IMMP2L: variants seen among roughly 807,000 people sequenced by gnomAD.
IMMP2L encodes the protein inner mitochondrial membrane peptidase subunit 2.
A neutral mutation model predicts 19.3 loss-of-function variants in IMMP2L; 18 were observed. The ratio of observed to expected loss-of-function variants is 0.93; its 90% confidence interval spans 0.64 to 1.38. The LOEUF (loss-of-function observed/expected upper bound fraction) is 1.38. Ranked by LOEUF, IMMP2L falls within the 40% of genes most tolerant of loss-of-function variation. The pLI, the probability that IMMP2L is intolerant of heterozygous loss-of-function variation, is 0.00. For synonymous variants in IMMP2L, 76 were observed against 73.0 expected (o/e 1.04, Z -0.21); for missense variants, 233 against 218.2 (o/e 1.07, Z -0.43).
intron 4 of IMMP2L, among the ~76,000 whole-genome samples, chr7:110,940,103 G>A (rs1057110368): frequency 5.3e-5 from 8 of 152,044 alleles, no homozygotes; most frequent in African/African-American, 1.4e-4. Context: ...AGGATCATGA[G>A]GTCAGGAGTT....
intron 3 of IMMP2L, among the ~76,000 whole-genome samples, chr7:111,254,547 A>T (rs1816493079): frequency 6.6e-6 from 1 of 152,164 alleles, no homozygotes; most frequent in Non-Finnish European, 1.5e-5. Flanking sequence ...AGACTGTCAG[A>T]ATATCTGATA....
At chr7:111,196,660 A>G (rs1809534578) in intron 3 of IMMP2L, among the ~76,000 whole-genome samples, 1 of 152,210 alleles carries the variant, frequency 6.6e-6, no homozygotes, top group Non-Finnish European at 1.5e-5. Context: ...TAGGAAATGA[A>G]AATATGAGAA....
At chr7:111,304,835 C>T (rs1016603849) in intron 3 of IMMP2L, among the ~76,000 whole-genome samples, 5 of 151,724 alleles carry the variant, frequency 3.3e-5, no homozygotes, top group Non-Finnish European at 2.9e-5. Flanking sequence ...AAAGTTTAAA[C>T]CTTACCTTTC....
At chr7:111,147,595 C>G (rs1476555652) in intron 3 of IMMP2L, among the ~76,000 whole-genome samples, 1 of 152,218 alleles carries the variant, frequency 6.6e-6, no homozygotes, top group South Asian at 2.1e-4. Flanking sequence ...CCTCTCATTA[C>G]TTTTCCACCA....
intron 3 of IMMP2L, among the ~76,000 whole-genome samples, chr7:111,014,340 G>T (rs1452022000): frequency 6.6e-6 from 1 of 151,934 alleles, no homozygotes; most frequent in African/African-American, 2.4e-5. Context: ...TGGCAGGAGA[G>T]TGAGACTCTG....
At chr7:110,854,075 A>G (rs983535605) in intron 5 of IMMP2L, among the ~76,000 whole-genome samples, 2 of 151,926 alleles carry the variant, frequency 1.3e-5, no homozygotes, top group African/African-American at 4.8e-5. Context: ...TCACCAATAA[A>G]TAGTTCCAGA....
chr7:111,330,400 AC>A (rs1198893815), intron 3 of IMMP2L, among the ~76,000 whole-genome samples: 3 of 151,744 alleles, frequency 2.0e-5, no homozygotes, highest in African/African-American at 7.2e-5. Context: ...TCTGAAGAAG[AC>A]TTTTTAAAAT....
intron 3 of IMMP2L, among the ~76,000 whole-genome samples, chr7:111,090,618 A>AG (rs1011772227): frequency 7.2e-5 from 11 of 152,024 alleles, no homozygotes; most frequent in Non-Finnish European, 1.6e-4. Flanking sequence ...CTAAAAAAAA[A>AG]AAAAAAAAAG....
At chr7:111,102,945 A>G (rs1798137126) in intron 3 of IMMP2L, among the ~76,000 whole-genome samples, 1 of 151,504 alleles carries the variant, frequency 6.6e-6, no homozygotes, top group African/African-American at 2.4e-5. Flanking sequence ...AAGACCATAT[A>G]GTATAGGACA....
In IMMP2L at chr7:111,421,395, G is replaced by C. The variant is rs1018863130; in HGVS notation, c.239+65843C>G. ...CGCCATTCTCCTGCCTCAGCCTCCCGAGTAGCTGGGACTACAGGCGCCCGC... is the reference window on the plus strand; with the variant it reads ...CGCCATTCTCCTGCCTCAGCCTCCCCAGTAGCTGGGACTACAGGCGCCCGC... On this transcript the variant is annotated intron_variant, in intron 3 of 5. Coordinates refer to ENST00000405709, the MANE Select transcript of IMMP2L (RefSeq NM_032549.4). Among the ~76,000 whole-genome samples, 3 of 147,370 alleles carry C rather than the reference G, an allele frequency of 2.0e-5. 1 individual carries two copies. Among genetic ancestry groups the C allele is most frequent in the African/African-American group, 5.1e-5 (2 of 39,444 alleles).
At chr7:110,947,023 T>C (rs914953036) in intron 4 of IMMP2L, among the ~76,000 whole-genome samples, 13 of 152,168 alleles carry the variant, frequency 8.5e-5, no homozygotes, top group African/African-American at 3.1e-4. Flanking sequence ...CCTGGCCTAA[T>C]ACCATTTTTT....
chr7:110,911,585 G>A (rs1293862197), intron 4 of IMMP2L, among the ~76,000 whole-genome samples: 1 of 152,108 alleles, frequency 6.6e-6, no homozygotes, highest in Non-Finnish European at 1.5e-5. Flanking sequence ...AATCCAAGTT[G>A]GCTAAAAAGA....
At chr7:111,093,655 C>T (rs1378086037) in intron 3 of IMMP2L, among the ~76,000 whole-genome samples, 1 of 152,142 alleles carries the variant, frequency 6.6e-6, no homozygotes, top group African/African-American at 2.4e-5. Flanking sequence ...TTACAGAGAT[C>T]AGTAATGTGC....
chr7:111,392,859 G>A (rs1006740423), intron 3 of IMMP2L: 1 of 456,546 alleles, frequency 2.2e-6, no homozygotes. Context: ...GGTAAATCTA[G>A]TGAGGTCTGG....
chr7:110,743,350 T>C (rs1170392785), intron 5 of IMMP2L, among the ~76,000 whole-genome samples: 1 of 152,200 alleles, frequency 6.6e-6, no homozygotes, highest in African/African-American at 2.4e-5. Flanking sequence ...TTCATTTGAA[T>C]CTGAATTTGC....
intron 3 of IMMP2L, among the ~76,000 whole-genome samples, chr7:111,041,072 G>C (rs1303740337): frequency 6.6e-6 from 1 of 151,974 alleles, no homozygotes; most frequent in Admixed American, 6.6e-5. Context: ...TAGTATTTTG[G>C]TATGATAATC....
At chr7:110,751,597 A>T (rs955215500) in intron 5 of IMMP2L, among the ~76,000 whole-genome samples, 3 of 152,094 alleles carry the variant, frequency 2.0e-5, no homozygotes, top group Admixed American at 6.6e-5. Context: ...TAGCTGTAAC[A>T]TAATAAATTG....
intron 3 of IMMP2L, among the ~76,000 whole-genome samples, chr7:111,161,301 C>T (rs552257535): frequency 6.6e-6 from 1 of 151,822 alleles, no homozygotes; most frequent in Admixed American, 6.6e-5. Flanking sequence ...AAATAATATG[C>T]CCTCTTACTC....
chr7:111,323,016 T>G (rs1271672481), intron 3 of IMMP2L, among the ~76,000 whole-genome samples: 2 of 151,688 alleles, frequency 1.3e-5, no homozygotes, highest in African/African-American at 2.4e-5. Flanking sequence ...AACTCTTCAC[T>G]GTAATAAACT....
Sources: gnomAD v4.1 joint callset for allele counts (sites outside exome capture counted in the v4.1 genomes callset) on GRCh38, gnomAD v4.1.1 for gene constraint, MANE v1.5 for transcripts, NCBI Gene and HGNC (gene_info 2026-07-23, HGNC 2026-07-21) for gene names.